The following OSBPL6 variants were observed in gnomAD, a reference collection of about 807,000 sequenced individuals.
OSBPL6 encodes oxysterol binding protein like 6.
Under a neutral mutation model 125.8 loss-of-function variants are expected in OSBPL6, and 49 were observed. That is an observed-to-expected ratio of 0.39 (90% CI 0.31 to 0.49). The LOEUF is 0.49. Among genes scored for constraint, OSBPL6 ranks in the 20% least tolerant of loss-of-function variants. The probability of loss-of-function intolerance (pLI) is 0.88; values close to 1 mark genes in which losing one functional copy is unlikely to be tolerated. For missense variants in OSBPL6, 986 were observed against 1,135.4 expected (o/e 0.87, Z 1.89); for synonymous variants, 394 against 391.8 (o/e 1.01, Z -0.07).
chr2:178,230,997 A>G (rs1463571909), intron 1 of OSBPL6, among the ~76,000 whole-genome samples: 2 of 152,160 alleles, frequency 1.3e-5, no homozygotes, highest in Non-Finnish European at 2.9e-5. Context: ...GGGGTTTGTC[A>G]TCTCACACTG....
At chr2:178,293,247 A>G (rs1685449826) in intron 2 of OSBPL6, among the ~76,000 whole-genome samples, 1 of 152,150 alleles carries the variant, frequency 6.6e-6, no homozygotes, top group East Asian at 1.9e-4. Flanking sequence ...TGTTGCTTAG[A>G]TTTACAAAGA....
At position 178,349,455 on chromosome 2, in the gene OSBPL6, C is replaced by A. The variant is rs1691034055; in HGVS notation, c.1153+66C>A. On this transcript the variant is annotated intron_variant, in intron 12 of 24. Transcript: ENST00000190611. ...CTTTGATGAAAGATTATCCTTTGTT[C>A]TTTTATCTTTGTCTTTGTGGTAATG... 4 of 1,527,964 alleles carry A rather than the reference C, an allele frequency of 2.6e-6. No homozygotes were observed. The South Asian group carries it at 4.7e-5, about 18-fold the overall frequency. 94.7% of individuals were successfully genotyped at this position (1,527,964 alleles called of 1,614,324 possible).
chr2:178,254,676 G>A (rs1008932007), intron 1 of OSBPL6, among the ~76,000 whole-genome samples: 4 of 152,188 alleles, frequency 2.6e-5, no homozygotes, highest in Non-Finnish European at 5.9e-5. Flanking sequence ...CCACTAGAAT[G>A]TACTAGTTTC....
At chr2:178,316,337 C>T (rs992817746) in intron 3 of OSBPL6, among the ~76,000 whole-genome samples, 1 of 152,068 alleles carries the variant, frequency 6.6e-6, no homozygotes, top group Non-Finnish European at 1.5e-5. Context: ...AACAAAGATA[C>T]ATGTTAAAGA....
At chr2:178,229,204 A>G (rs1207719028) in intron 1 of OSBPL6, among the ~76,000 whole-genome samples, 1 of 151,948 alleles carries the variant, frequency 6.6e-6, no homozygotes, top group Non-Finnish European at 1.5e-5. Context: ...TGACCTAATC[A>G]CCTCTTACAG....
chr2:178,356,960 A>G (rs12620577), intron 12 of OSBPL6, among the ~76,000 whole-genome samples: 3,943 of 152,338 alleles, frequency 0.026, 237 homozygotes, highest in East Asian at 0.22. Context: ...CTGATCTTTG[A>G]CAAACCTGAC....
In OSBPL6 at chr2:178,399,787, T is replaced by G. The variant is rs1696050549; in HGVS notation, c.*4228T>G. On this transcript the variant is annotated 3_prime_UTR_variant, in exon 25 of 25. Coordinates refer to ENST00000190611, the MANE Select transcript of OSBPL6 (RefSeq NM_032523.4). ...GTGTCATTGTTTGTAAAATATACAGTATTTATGTACAGTTTCAGAGACATT... is the reference window on the plus strand; with the variant it reads ...GTGTCATTGTTTGTAAAATATACAGGATTTATGTACAGTTTCAGAGACATT... 2.6e-5 allele frequency: 4 copies of G among 152,212 alleles called. No individual in the cohort carries two copies. The highest frequency in any genetic ancestry group is 5.9e-5 in the Non-Finnish European group (4 of 68,032). 9.4% of individuals were successfully genotyped at this position (152,212 alleles called of 1,614,324 possible). A position where few individuals can be genotyped will look rare whatever the true frequency, so the allele number is the denominator to read the frequency against.
intron 1 of OSBPL6, among the ~76,000 whole-genome samples, chr2:178,284,403 A>T (rs1684503199): frequency 6.6e-6 from 1 of 152,162 alleles, no homozygotes; most frequent in African/African-American, 2.4e-5. Flanking sequence ...AAATAAAAAA[A>T]TTAGCTGGGC....
rs937840507 is a variant in OSBPL6 at position 178,213,146 on chromosome 2, T to C, written c.-351+18472T>C. Among the ~76,000 whole-genome samples, 7 of 152,240 alleles carry C rather than the reference T, an allele frequency of 4.6e-5. No individual in the cohort carries two copies. The East Asian group carries it at 1.4e-3, about 30-fold the overall frequency. On this transcript the variant is annotated intron_variant, in intron 1 of 24. Transcript: ENST00000190611. ...TTGATTGCTCCTCTTTAGATACTTT[T>C]GGAAGCTCTTCTTCCACCCACCTAA...
At chr2:178,315,360 A>G (rs1045014226) in intron 3 of OSBPL6, among the ~76,000 whole-genome samples, 2 of 152,176 alleles carry the variant, frequency 1.3e-5, no homozygotes, top group African/African-American at 2.4e-5. Flanking sequence ...GTTACCTGCA[A>G]TGTGTTTTCC....
At chr2:178,354,465 C>T (rs1691582603) in intron 12 of OSBPL6, among the ~76,000 whole-genome samples, 1 of 152,026 alleles carries the variant, frequency 6.6e-6, no homozygotes, top group Admixed American at 6.5e-5. Context: ...AGACTTTAAG[C>T]CAACGAAGAT....
intron 1 of OSBPL6, among the ~76,000 whole-genome samples, chr2:178,257,166 A>G (rs2091913252): frequency 6.6e-6 from 1 of 152,152 alleles, no homozygotes; most frequent in African/African-American, 2.4e-5. Flanking sequence ...CATGAATATT[A>G]TTTTGGATGG....
At chr2:178,223,929 A>C (rs552227644) in intron 1 of OSBPL6, among the ~76,000 whole-genome samples, 1 of 152,336 alleles carries the variant, frequency 6.6e-6, no homozygotes, top group East Asian at 1.9e-4. Context: ...TGTGACCTTC[A>C]CATCAGGCTG....
intron 2 of OSBPL6, among the ~76,000 whole-genome samples, chr2:178,289,244 G>A (rs1685013164): frequency 2.0e-5 from 3 of 151,232 alleles, no homozygotes; most frequent in Admixed American, 6.6e-5. Context: ...TCTCAAAGTC[G>A]TGACCTCATG....
rs760318611 is a variant in OSBPL6, at chr2:178,349,285, C to T, written c.1049C>T (p.Ala350Val). ...RLHSSNPNLCADIEFQTPPSH... is the reference protein window; with the variant it reads ...RLHSSNPNLCVDIEFQTPPSH... ...CATTCCTCCAACCCCAACCTTTGTG[C>T]AGATATTGAATTTCAGACTCCCCCT... is the stretch of plus-strand genomic sequence containing the variant. The change falls in exon 12 of 25, where the codon GCA (alanine) becomes GTA (valine). Residue 350 changes from alanine to valine, a missense_variant. Coordinates refer to ENST00000190611, the MANE Select transcript of OSBPL6 (RefSeq NM_032523.4). 1 of 1,613,966 alleles carries T rather than the reference C, an allele frequency of 6.2e-7. No individual in the cohort carries two copies. The highest frequency in any genetic ancestry group is 1.1e-5 in the South Asian group (1 of 91,084).
intron 1 of OSBPL6, among the ~76,000 whole-genome samples, chr2:178,235,398 C>CTTTTTTTTTTTTTTTTTTTTTTTT (rs540269327): frequency 2.6e-5 from 2 of 78,040 alleles, no homozygotes; most frequent in Admixed American, 1.9e-4. Flanking sequence ...CTTTTCTTTT[C>CTTTTTTTTTTTTTTTTTTTTTTTT]TTTTTTTTTT....
At position 178,295,487 on chromosome 2, in the gene OSBPL6, A is replaced by G. The variant is rs1685665143; in HGVS notation, c.-156+10366A>G. On this transcript the variant is annotated intron_variant, in intron 2 of 24. Coordinates refer to ENST00000190611, the MANE Select transcript of OSBPL6 (RefSeq NM_032523.4). ...CAACGGCAGTTTGAGTAGCCACAGC[A>G]GAGATTGTATGGTTCACAACGCCTG... Among the ~76,000 whole-genome samples, 4 of 152,330 alleles carry G rather than the reference A, an allele frequency of 2.6e-5. No homozygotes were observed. The South Asian group carries it at 8.3e-4, about 32-fold the overall frequency.
intron 1 of OSBPL6, among the ~76,000 whole-genome samples, chr2:178,257,483 C>T (rs1457825406): frequency 6.6e-6 from 1 of 152,050 alleles, no homozygotes; most frequent in Non-Finnish European, 1.5e-5. Context: ...AGTGAATAAA[C>T]TTTTTCTGTC....
intron 13 of OSBPL6, among the ~76,000 whole-genome samples, chr2:178,368,825 G>A (rs962718188): frequency 1.8e-4 from 26 of 143,662 alleles, no homozygotes; most frequent in Admixed American, 2.8e-4. Flanking sequence ...TTGAGACACA[G>A]TCTCTCAGTG....
Sources: allele counts gnomAD v4.1 joint callset (sites outside exome capture counted in the v4.1 genomes callset), GRCh38; gene constraint gnomAD v4.1.1; transcripts MANE v1.5; gene names NCBI Gene and HGNC (gene_info 2026-07-23, HGNC 2026-07-21).